The following STX8 variants were observed in gnomAD, a reference collection of about 807,000 sequenced individuals.
The protein encoded by STX8 is syntaxin 8, also known as syntaxin-8.
A neutral mutation model predicts 37.5 loss-of-function variants in STX8; 23 were observed. The ratio of observed to expected loss-of-function variants is 0.61; its 90% confidence interval spans 0.44 to 0.87. STX8 has a LOEUF of 0.87. STX8 is among the 40% of genes least tolerant of loss of function. The pLI, the probability that STX8 is intolerant of heterozygous loss-of-function variation, is 0.00. For synonymous variants in STX8, 115 were observed against 99.1 expected, an observed-to-expected ratio of 1.16 and a Z score of -0.95; for missense variants, 313 against 284.7, an observed-to-expected ratio of 1.10 and a Z score of -0.71.
chr17:9,303,460 GTGTGTA>G (rs1908858175), intron 7 of STX8, among the ~76,000 whole-genome samples: 1 of 152,108 alleles, frequency 6.6e-6, no homozygotes, highest in Non-Finnish European at 1.5e-5. Flanking sequence ...TAGTGTGTGT[GTGTGTA>G]TGTGTATGTG....
chr17:9,351,029 G>A (rs1261166388), intron 7 of STX8, among the ~76,000 whole-genome samples: 1 of 151,498 alleles, frequency 6.6e-6, no homozygotes, highest in East Asian at 1.9e-4. Flanking sequence ...CTCTCCAACT[G>A]TTTATGTTGA....
At chr17:9,296,214 T>G in intron 7 of STX8, among the ~76,000 whole-genome samples, 2 of 149,564 alleles carry the variant, frequency 1.3e-5, no homozygotes, top group South Asian at 4.3e-4. Context: ...GGCATGGTGG[T>G]GCATGCCTGT....
intron 4 of STX8, among the ~76,000 whole-genome samples, chr17:9,531,765 T>G (rs1247166050): frequency 6.6e-6 from 1 of 152,190 alleles, no homozygotes; most frequent in Non-Finnish European, 1.5e-5. Context: ...TGTTTTATAG[T>G]TTTCAGTGTA....
chr17:9,417,383 C>A (rs113174674), intron 6 of STX8, among the ~76,000 whole-genome samples: 90 of 152,178 alleles, frequency 5.9e-4, no homozygotes, highest in Non-Finnish European at 1.2e-3. Context: ...CCTGGAATCA[C>A]CTAGAGGAGC....
At chr17:9,381,976 A>AAGAC (rs1911839242) in intron 6 of STX8, among the ~76,000 whole-genome samples, 1 of 151,712 alleles carries the variant, frequency 6.6e-6, no homozygotes, top group African/African-American at 2.4e-5. Context: ...CTTGGGGGAA[A>AAGAC]AAACAAACAA....
chr17:9,257,388 A>G (rs1906839393), intron 7 of STX8, among the ~76,000 whole-genome samples: 1 of 152,166 alleles, frequency 6.6e-6, no homozygotes. Flanking sequence ...CGAGCAAAAT[A>G]CGGAGCTTGT....
At chr17:9,393,729 A>G (rs933262407) in intron 6 of STX8, among the ~76,000 whole-genome samples, 1 of 152,258 alleles carries the variant, frequency 6.6e-6, no homozygotes, top group South Asian at 2.1e-4. Flanking sequence ...AGCGGTACTA[A>G]GAAGTTCATA....
At chr17:9,285,873 A>G (rs1167919266) in intron 7 of STX8, among the ~76,000 whole-genome samples, 2 of 152,226 alleles carry the variant, frequency 1.3e-5, no homozygotes, top group African/African-American at 2.4e-5. Flanking sequence ...TTAAAGACAA[A>G]CAATACCTTC....
At chr17:9,535,454 A>C (rs1906001714) in intron 4 of STX8, among the ~76,000 whole-genome samples, 1 of 25,780 alleles carries the variant, frequency 3.9e-5, no homozygotes, top group African/African-American at 1.4e-4. Context: ...TTTTTTTGAG[A>C]CGGAGTCTTG....
intron 7 of STX8, among the ~76,000 whole-genome samples, chr17:9,329,791 C>T (rs1025999973): frequency 3.3e-5 from 5 of 152,100 alleles, no homozygotes; most frequent in African/African-American, 1.2e-4. Context: ...GGCTGCCAGA[C>T]ATGATAGAGC....
chr17:9,410,306 CATGT>C (rs1912937898), intron 6 of STX8, among the ~76,000 whole-genome samples: 2 of 152,194 alleles, frequency 1.3e-5, no homozygotes, highest in Non-Finnish European at 2.9e-5. Flanking sequence ...ATTCTCAAAG[CATGT>C]ATAAGTAAAA....
chr17:9,435,814 C>A (rs1026226520), intron 6 of STX8, among the ~76,000 whole-genome samples: 8 of 152,122 alleles, frequency 5.3e-5, no homozygotes, highest in African/African-American at 1.7e-4. Flanking sequence ...TATATGTTAA[C>A]TATCTCCATT....
chr17:9,488,810 G>T (rs1310217950), intron 6 of STX8, among the ~76,000 whole-genome samples: 1 of 96,900 alleles, frequency 1.0e-5, no homozygotes, highest in African/African-American at 3.8e-5. Flanking sequence ...AAGAGAGAGA[G>T]AGAGAGAGAG....
chr17:9,549,113 C>G (rs535378207), intron 3 of STX8, among the ~76,000 whole-genome samples: 3 of 152,142 alleles, frequency 2.0e-5, no homozygotes, highest in Admixed American at 1.3e-4. Context: ...ACCATTAACA[C>G]TTAACTATAA....
At chr17:9,352,010 G>C (rs767676075) in intron 7 of STX8, among the ~76,000 whole-genome samples, 3 of 151,936 alleles carry the variant, frequency 2.0e-5, no homozygotes, top group Non-Finnish European at 4.4e-5. Flanking sequence ...AATTAGCTGG[G>C]TACGGTGGTG....
intron 6 of STX8, among the ~76,000 whole-genome samples, chr17:9,439,834 A>G (rs771647194): frequency 6.6e-6 from 1 of 152,084 alleles, no homozygotes; most frequent in Non-Finnish European, 1.5e-5. Flanking sequence ...AGCACCATCA[A>G]TACTGCTTCC....
At chr17:9,343,037 A>G (rs2003385) in intron 7 of STX8, among the ~76,000 whole-genome samples, 4,645 of 151,290 alleles carry the variant, frequency 0.031, 175 homozygotes, top group African/African-American at 0.082. Context: ...AAAAAAAAAA[A>G]AAAAAAGCTG....
At position 9,485,560 on chromosome 17, in the gene STX8, G is replaced by C. The variant is rs1270035037; in HGVS notation, c.541+6269C>G. Among the ~76,000 whole-genome samples, 4 of 150,958 alleles carry C rather than the reference G, an allele frequency of 2.6e-5. 1 individual carries two copies. The highest frequency in any genetic ancestry group is 5.9e-5 in the Non-Finnish European group (4 of 67,896). ...TAGGAAACTTAGAGGATTGATCCAG[G>C]AGTTCTTTGTTTTTGTTTTTTTGTT... On this transcript the variant is annotated intron_variant, in intron 6 of 7. Coordinates refer to ENST00000306357, the MANE Select transcript of STX8 (RefSeq NM_004853.3).
chr17:9,559,501 A>G (rs1426093329), intron 2 of STX8, among the ~76,000 whole-genome samples: 1 of 151,608 alleles, frequency 6.6e-6, no homozygotes, highest in African/African-American at 2.4e-5. Flanking sequence ...AGTACAGTAC[A>G]GGGGAAATTA....
Sources: allele counts gnomAD v4.1 joint callset (sites outside exome capture counted in the v4.1 genomes callset), GRCh38; gene constraint gnomAD v4.1.1; transcripts MANE v1.5; gene names NCBI Gene and HGNC (gene_info 2026-07-23, HGNC 2026-07-21).